Variants in CFAP221 observed in about 807,000 individuals in gnomAD.
CFAP221 encodes the protein cilia- and flagella-associated protein 221.
A neutral mutation model predicts 113.1 loss-of-function variants in CFAP221; 97 were observed. The observed-to-expected ratio is 0.86, with a 90% confidence interval of 0.73 to 1.02. The LOEUF (loss-of-function observed/expected upper bound fraction) is 1.02. Ranked by LOEUF, CFAP221 falls within the 50% of genes least tolerant of loss-of-function variation. CFAP221 has a pLI of 0.00. For synonymous variants in CFAP221, 331 were observed against 354.4 expected (o/e 0.93, Z 0.74); for missense variants, 1,025 against 1,013.4 (o/e 1.01, Z -0.16).
At chr2:119,618,514 A>G (rs1685678275) in intron 14 of CFAP221, among the ~76,000 whole-genome samples, 1 of 152,158 alleles carries the variant, frequency 6.6e-6, no homozygotes, top group South Asian at 2.1e-4. Flanking sequence ...AGCCAAGGGA[A>G]GCCATGAGGG....
At chr2:119,627,356 G>A (rs554610164) in intron 15 of CFAP221, among the ~76,000 whole-genome samples, 41 of 151,934 alleles carry the variant, frequency 2.7e-4, no homozygotes, top group African/African-American at 9.4e-4. Context: ...TGAATTCCAT[G>A]GGTCTGTGTA....
chr2:119,566,947 A>G (rs1681689050), intron 6 of CFAP221, among the ~76,000 whole-genome samples: 1 of 152,174 alleles, frequency 6.6e-6, no homozygotes, highest in South Asian at 2.1e-4. Context: ...TCTTACCATA[A>G]TAGGGCCTGG....
At chr2:119,602,694 C>T (rs989562804) in intron 8 of CFAP221, 33 of 985,238 alleles carry the variant, frequency 3.3e-5, no homozygotes, top group East Asian at 1.1e-4. Context: ...TGAAATCACT[C>T]GGGCAACAAA....
At chr2:119,555,066 G>C (rs927353298) in intron 3 of CFAP221, among the ~76,000 whole-genome samples, 1 of 152,162 alleles carries the variant, frequency 6.6e-6, no homozygotes, top group African/African-American at 2.4e-5. Flanking sequence ...CATGGGATTG[G>C]GGGTGAAGAG....
At chr2:119,621,903 T>G (rs1685948440) in intron 14 of CFAP221, among the ~76,000 whole-genome samples, 1 of 152,110 alleles carries the variant, frequency 6.6e-6, no homozygotes, top group Non-Finnish European at 1.5e-5. Flanking sequence ...TAGAGGGAAA[T>G]TTATAGCACT....
At chr2:119,560,995 TA>T (rs567912072) in intron 5 of CFAP221, among the ~76,000 whole-genome samples, 24 of 148,824 alleles carry the variant, frequency 1.6e-4, no homozygotes, top group African/African-American at 3.0e-4. Flanking sequence ...GAGTTTCAAT[TA>T]AAAAAAAAAT....
At chr2:119,546,704 T>C (rs1465384363) in intron 2 of CFAP221, among the ~76,000 whole-genome samples, 2 of 152,210 alleles carry the variant, frequency 1.3e-5, no homozygotes, top group African/African-American at 4.8e-5. Flanking sequence ...CTGTCTGATC[T>C]GAACCTGTCC....
At chr2:119,602,754 A>G (rs766091180) in intron 8 of CFAP221, 31 of 985,320 alleles carry the variant, frequency 3.1e-5, no homozygotes, top group Non-Finnish European at 3.7e-5. Context: ...TCTGGTGGCA[A>G]ATAAGCAGGT....
At chr2:119,559,816 G>A (rs923158422) in intron 4 of CFAP221, 41 bp downstream of exon 4, 21 of 1,489,026 alleles carry the variant, frequency 1.4e-5, no homozygotes, top group East Asian at 9.8e-5. Flanking sequence ...CGGTGTGGTT[G>A]TCTGCGTCTC....
At chr2:119,627,518 GATATATATAT>G (rs57740311) in intron 15 of CFAP221, 125 bp from the exon 16 acceptor site, 6,575 of 464,710 alleles carry the variant, frequency 0.014, no homozygotes, top group South Asian at 0.026. Flanking sequence ...AGTAAAAGTG[GATATATATAT>G]ATATATATAT....
chr2:119,623,467 A>C (rs938810480), intron 14 of CFAP221, among the ~76,000 whole-genome samples: 1 of 152,234 alleles, frequency 6.6e-6, no homozygotes, highest in African/African-American at 2.4e-5. Context: ...ATTCAATGCT[A>C]TTCCCATCAA....
rs754752312 is a variant in CFAP221 at position 119,611,759 on chromosome 2, T to A, written c.1311+17T>A. ...CAAGAAGAGGTGGGTAACTTTCCTT[T>A]ATTTAGAATCTGATTATTGGCAGCT... On this transcript the variant is annotated intron_variant, in intron 13 of 23. Transcript: ENST00000413369. 5 of 1,580,692 alleles carry A rather than the reference T, an allele frequency of 3.2e-6. No homozygotes were observed. The Admixed American group carries it at 8.5e-5, about 27-fold the overall frequency.
intron 14 of CFAP221, among the ~76,000 whole-genome samples, chr2:119,619,364 T>A (rs1685740359): frequency 6.6e-6 from 1 of 152,196 alleles, no homozygotes; most frequent in South Asian, 2.1e-4. Flanking sequence ...TGGGTGCCCC[T>A]CTGGGATGAA....
chr2:119,605,654 A>G (rs1036330827), intron 11 of CFAP221, among the ~76,000 whole-genome samples: 1 of 152,128 alleles, frequency 6.6e-6, no homozygotes, highest in East Asian at 1.9e-4. Flanking sequence ...TGTGCCCCAG[A>G]GGCCTTCTGG....
intron 6 of CFAP221, among the ~76,000 whole-genome samples, chr2:119,576,345 T>G (rs780753305): frequency 6.6e-6 from 1 of 152,128 alleles, no homozygotes; most frequent in Non-Finnish European, 1.5e-5. Flanking sequence ...CCTGCCCCTC[T>G]CCCTCCTCTC....
At chr2:119,557,200 A>G (rs1680869022) in intron 3 of CFAP221, 1 of 152,254 alleles carries the variant, frequency 6.6e-6, no homozygotes, top group Admixed American at 6.5e-5. Context: ...GCAGATATTG[A>G]GAGTCTGACC....
intron 23 of CFAP221, 34 bp from the exon 24 acceptor site, chr2:119,656,328 C>T (rs1688431160): frequency 5.7e-6 from 9 of 1,577,818 alleles, no homozygotes; most frequent in Non-Finnish European, 7.0e-6. Context: ...ATTAAGTGTC[C>T]TCATGTTTCC....
chr2:119,623,069 AGTCAAATT>A (rs2104738786), intron 14 of CFAP221, among the ~76,000 whole-genome samples: 1 of 152,342 alleles, frequency 6.6e-6, no homozygotes, highest in African/African-American at 2.4e-5. Flanking sequence ...GAAGAGAGGA[AGTCAAATT>A]GTCTCTTTGC....
chr2:119,646,963 A>AT lies in CFAP221; in HGVS notation c.2233dup (p.Ser745PhefsTer16), dbSNP rs1242340517. On this transcript the variant is annotated frameshift_variant, in exon 22 of 24. Transcript: ENST00000413369. LOFTEE classifies it high-confidence loss of function. ...CTTGTGTGGTTTTTCCACAGCTGCG[A>AT]TTCCTTCAATTCATTTATGCTTCCG... 1 of 1,554,914 alleles carries AT rather than the reference A, an allele frequency of 6.4e-7. No individual in the cohort carries two copies. The highest frequency in any genetic ancestry group is 1.7e-5 in the Admixed American group (1 of 59,644).
Sources: allele counts gnomAD v4.1 joint callset (sites outside exome capture counted in the v4.1 genomes callset), GRCh38; gene constraint gnomAD v4.1.1; transcripts MANE v1.5; gene names NCBI Gene and HGNC (gene_info 2026-07-23, HGNC 2026-07-21).